The following FANCC variants were observed in gnomAD, a reference collection of about 807,000 sequenced individuals.
FANCC encodes Fanconi anemia group C protein.
FANCC carries 55 observed loss-of-function variants against 71.3 expected under a neutral mutation model. The ratio of observed to expected loss-of-function variants is 0.77; its 90% confidence interval spans 0.62 to 0.97. FANCC has a LOEUF of 0.97. FANCC is among the 50% of genes least tolerant of loss of function. FANCC has a pLI of 0.00. For synonymous variants in FANCC, 275 were observed against 244.9 expected (o/e 1.12, Z -1.15); for missense variants, 678 against 670.9 (o/e 1.01, Z -0.12).
chr9:95,305,356 C>G (rs1228639032), intron 1 of FANCC, among the ~76,000 whole-genome samples: 1 of 152,036 alleles, frequency 6.6e-6, no homozygotes. Flanking sequence ...CAAAATGATA[C>G]CTCACCAGAT....
chr9:95,138,161 C>A (rs570744644), intron 7 of FANCC, among the ~76,000 whole-genome samples: 14 of 152,334 alleles, frequency 9.2e-5, no homozygotes, highest in Non-Finnish European at 1.8e-4. Context: ...AAGAGGCAGC[C>A]GAGGTCAGAG....
At chr9:95,245,581 G>C (rs1337566274) in intron 3 of FANCC, among the ~76,000 whole-genome samples, 1 of 151,432 alleles carries the variant, frequency 6.6e-6, no homozygotes, top group Non-Finnish European at 1.5e-5. Flanking sequence ...TGTTACAGTT[G>C]ATTTATTGTA....
At chr9:95,158,037 A>G (rs566853001) in intron 6 of FANCC, among the ~76,000 whole-genome samples, 1 of 152,214 alleles carries the variant, frequency 6.6e-6, no homozygotes, top group South Asian at 2.1e-4. Context: ...AGGGAGGAAG[A>G]TTGATGAGTC....
intron 1 of FANCC, among the ~76,000 whole-genome samples, chr9:95,305,458 G>A (rs1469640686): frequency 6.6e-6 from 1 of 152,106 alleles, no homozygotes; most frequent in African/African-American, 2.4e-5. Flanking sequence ...TGAAAGACAG[G>A]ACCACAAAAA....
At chr9:95,113,028 C>A (rs895408997) in intron 12 of FANCC, among the ~76,000 whole-genome samples, 3 of 152,232 alleles carry the variant, frequency 2.0e-5, no homozygotes, top group Non-Finnish European at 4.4e-5. Context: ...GTTTATGCCA[C>A]CTGCATCTAC....
At position 95,164,383 on chromosome 9, in the gene FANCC, C is replaced by T. The variant is rs140379656; in HGVS notation, c.521+6696G>A. Among the ~76,000 whole-genome samples the T allele has an allele frequency of 3.6e-3, 545 of 152,248 alleles. 2 individuals carry two copies. Among genetic ancestry groups the T allele is most frequent in the African/African-American group, 0.013 (520 of 41,556 alleles). On this transcript the variant is annotated intron_variant, in intron 6 of 14. Coordinates refer to ENST00000289081, the MANE Select transcript of FANCC (RefSeq NM_000136.3). ...ATTCTTGCCTTGTTCCTGATCTCAG[C>T]GGGAAAACATTCCCTTTTTCACCAC... is the stretch of plus-strand genomic sequence containing the variant.
chr9:95,228,977 C>T lies in FANCC; in HGVS notation c.345+11672G>A, dbSNP rs116875014. ...ACTTTGAATAAGACAGGAACCTACC[C>T]GAGGCTCCTGAACAGAGACACTTAA... On this transcript the variant is annotated intron_variant, in intron 4 of 14. Transcript: ENST00000289081. Among the ~76,000 whole-genome samples, 775 of 152,154 alleles carry T rather than the reference C, an allele frequency of 5.1e-3. 3 individuals are homozygous for T. Among genetic ancestry groups the T allele is most frequent in the Middle Eastern group, 0.01 (3 of 294 alleles).
At chr9:95,293,923 A>T in intron 1 of FANCC, 1 of 1,590,328 alleles carries the variant, frequency 6.3e-7, no homozygotes, top group Admixed American at 1.7e-5. Context: ...TAATGTTGCT[A>T]CAAGTAACAT....
At chr9:95,224,697 T>A (rs1446828862) in intron 4 of FANCC, among the ~76,000 whole-genome samples, 1 of 152,166 alleles carries the variant, frequency 6.6e-6, no homozygotes, top group African/African-American at 2.4e-5. Flanking sequence ...TTAAGTGGAA[T>A]CATATAGTAT....
At chr9:95,298,340 A>AT in intron 1 of FANCC, among the ~76,000 whole-genome samples, 1 of 152,322 alleles carries the variant, frequency 6.6e-6, no homozygotes, top group Middle Eastern at 3.4e-3. Flanking sequence ...ACATACTTGG[A>AT]TAAAAAGATA....
chr9:95,188,499 C>T (rs1826872524), intron 4 of FANCC, among the ~76,000 whole-genome samples: 1 of 152,164 alleles, frequency 6.6e-6, no homozygotes, highest in African/African-American at 2.4e-5. Context: ...ACTGCTTGGT[C>T]CCATAAAGAA....
At chr9:95,313,062 C>T (rs2136430373) in intron 1 of FANCC, among the ~76,000 whole-genome samples, 1 of 152,316 alleles carries the variant, frequency 6.6e-6, no homozygotes, top group Middle Eastern at 3.4e-3. Context: ...TCACAGCGCA[C>T]TACAAGAGCC....
rs561208685 is a variant in FANCC at position 95,279,234 on chromosome 9, T to A, written c.-78-29865A>T. 3.3e-5 allele frequency among the ~76,000 whole-genome samples: 5 copies of A among 151,890 alleles called. No individual in the cohort carries two copies. The East Asian group carries it at 9.6e-4, about 29-fold the overall frequency. ...TCAGGAGGCTGAACCATGAGAATAG[T>A]TTGAGCCCGGGAGACAGAGGTTGCA... is the stretch of plus-strand genomic sequence containing the variant. On this transcript the variant is annotated intron_variant, in intron 1 of 14. Transcript: ENST00000289081.
At chr9:95,235,401 A>G (rs1400175295) in intron 4 of FANCC, among the ~76,000 whole-genome samples, 1 of 152,250 alleles carries the variant, frequency 6.6e-6, no homozygotes, top group Non-Finnish European at 1.5e-5. Flanking sequence ...CAACGTGGAA[A>G]TAAGATGAAA....
At chr9:95,293,427 A>C in intron 1 of FANCC, 1 of 1,571,986 alleles carries the variant, frequency 6.4e-7, no homozygotes. Context: ...TTGCTCTCTT[A>C]AAGAGAGCCT....
intron 1 of FANCC, among the ~76,000 whole-genome samples, chr9:95,273,123 CTTTT>C (rs1259546954): frequency 6.6e-6 from 1 of 152,162 alleles, no homozygotes; most frequent in Non-Finnish European, 1.5e-5. Context: ...GAATGTTTTT[CTTTT>C]TTGAGAAAAG....
chr9:95,295,960 G>A (rs1401848663), intron 1 of FANCC, among the ~76,000 whole-genome samples: 1 of 152,076 alleles, frequency 6.6e-6, no homozygotes, highest in Admixed American at 6.5e-5. Context: ...AAAGAGTAGA[G>A]CTTATATTAA....
chr9:95,310,156 A>C (rs1184618802), intron 1 of FANCC, among the ~76,000 whole-genome samples: 2 of 152,184 alleles, frequency 1.3e-5, no homozygotes, highest in Non-Finnish European at 2.9e-5. Context: ...TGAGGCTGGG[A>C]GTTCAAGACC....
intron 8 of FANCC, among the ~76,000 whole-genome samples, chr9:95,128,201 A>C (rs1371948408): frequency 1.3e-5 from 2 of 152,336 alleles, no homozygotes; most frequent in Non-Finnish European, 2.9e-5. Flanking sequence ...GAAAATATAA[A>C]AGTTTCTATG....
Sources: gnomAD v4.1 joint callset for allele counts (sites outside exome capture counted in the v4.1 genomes callset) on GRCh38, gnomAD v4.1.1 for gene constraint, MANE v1.5 for transcripts, NCBI Gene and HGNC (gene_info 2026-07-23, HGNC 2026-07-21) for gene names.